NPHP4: variants seen among roughly 807,000 people sequenced by gnomAD.
The protein encoded by NPHP4 is nephrocystin 4, also known as nephrocystin-4.
In NPHP4, 151 loss-of-function variants were observed where a neutral mutation model predicts 155.8. The observed-to-expected ratio is 0.97, with a 90% confidence interval of 0.85 to 1.11. The LOEUF is 1.11. Ranked by LOEUF, NPHP4 falls within the 50% of genes least tolerant of loss-of-function variation. NPHP4 has a pLI of 0.00. For missense variants in NPHP4, 1,956 were observed against 1,925.7 expected, an observed-to-expected ratio of 1.02 and a Z score of -0.29; for synonymous variants, 845 against 816.8, an observed-to-expected ratio of 1.03 and a Z score of -0.59.
intron 5 of NPHP4, among the ~76,000 whole-genome samples, chr1:5,964,941 A>ATTTTTTTTTTTTTTTTTT (rs55734317): frequency 8.4e-5 from 5 of 59,416 alleles, no homozygotes; most frequent in African/African-American, 2.5e-4. Flanking sequence ...ATATATATAT[A>ATTTTTTTTTTTTTTTTTT]TTTTTTTTTT....
intron 16 of NPHP4, among the ~76,000 whole-genome samples, chr1:5,900,202 A>C (rs1248026734): frequency 6.6e-6 from 1 of 152,192 alleles, no homozygotes; most frequent in Non-Finnish European, 1.5e-5. Context: ...CAGCAATCAC[A>C]CTCCTTGGTA....
At chr1:5,957,260 C>T (rs1649421464) in intron 6 of NPHP4, among the ~76,000 whole-genome samples, 1 of 152,192 alleles carries the variant, frequency 6.6e-6, no homozygotes, top group South Asian at 2.1e-4. Context: ...CTGGGACCCC[C>T]ATAAGCACAC....
At chr1:5,898,982 T>C (rs1042239875) in intron 16 of NPHP4, among the ~76,000 whole-genome samples, 5 of 152,110 alleles carry the variant, frequency 3.3e-5, no homozygotes, top group African/African-American at 1.2e-4. Flanking sequence ...AACCACGAGA[T>C]GCCTCTACAT....
intron 19 of NPHP4, chr1:5,879,666 C>T (rs372575002): frequency 2.1e-4 from 108 of 510,692 alleles, no homozygotes; most frequent in Non-Finnish European, 1.4e-4. Context: ...TGTGGTGGCT[C>T]GGTGGGGCCT....
At chr1:5,943,189 C>T (rs1039983064) in intron 9 of NPHP4, among the ~76,000 whole-genome samples, 4 of 152,184 alleles carry the variant, frequency 2.6e-5, no homozygotes, top group African/African-American at 9.7e-5. Flanking sequence ...ACATAAATTA[C>T]AGGAAAAAGG....
At chr1:5,879,873 GCA>G (rs920001291) in intron 19 of NPHP4, among the ~76,000 whole-genome samples, 15 of 144,732 alleles carry the variant, frequency 1.0e-4, no homozygotes, top group African/African-American at 3.1e-4. Context: ...ACACACACAT[GCA>G]CACACAGACA....
chr1:5,915,022 AAC>A (rs961010683), intron 11 of NPHP4, among the ~76,000 whole-genome samples: 11 of 152,234 alleles, frequency 7.2e-5, no homozygotes, highest in African/African-American at 2.7e-4. Context: ...GAGGGGTCCT[AAC>A]AGAGGAAAAT....
chr1:5,866,961 G>A (rs1202881886), intron 25 of NPHP4, 69 bp downstream of exon 25: 2 of 1,195,488 alleles, frequency 1.7e-6, no homozygotes, highest in East Asian at 2.4e-5. Flanking sequence ...GGATACCCGT[G>A]GGGAAGCCGA....
chr1:5,888,540 C>A (rs372858444), intron 17 of NPHP4: 1 of 1,346,762 alleles, frequency 7.4e-7, no homozygotes, highest in Non-Finnish European at 9.8e-7. Flanking sequence ...ACACTGCATA[C>A]GATCACTGCA....
At position 5,892,353 on chromosome 1, in the gene NPHP4, G is replaced by GC. The variant is rs1644175533; in HGVS notation, c.2144-1326dup. Reference sequence around the variant, plus strand: ...ATGGCCCCGTGCCTAGCATGCTCCTGCCCCCCACTCCAGGAGCTCTCAGCA... The same window carrying GC: ...ATGGCCCCGTGCCTAGCATGCTCCTGCCCCCCCACTCCAGGAGCTCTCAGCA... On this transcript the variant is annotated intron_variant, in intron 16 of 29. Coordinates refer to ENST00000378156, the MANE Select transcript of NPHP4 (RefSeq NM_015102.5). This position sits in a 1 kb window ranked among gnomAD's most constrained non-coding sequence, Gnocchi z 4.5. Among the ~76,000 whole-genome samples the GC allele has an allele frequency of 6.6e-6, 1 of 152,060 alleles. No homozygotes were observed. Among genetic ancestry groups the GC allele is most frequent in the Non-Finnish European group, 1.5e-5 (1 of 68,000 alleles).
intron 7 of NPHP4, among the ~76,000 whole-genome samples, chr1:5,951,802 C>G (rs1443748990): frequency 6.6e-6 from 1 of 152,246 alleles, no homozygotes; most frequent in African/African-American, 2.4e-5. Flanking sequence ...CACAGAAAAT[C>G]CAAGACAACT....
At chr1:5,975,132 C>T (rs773652335) in intron 3 of NPHP4, among the ~76,000 whole-genome samples, 6 of 152,158 alleles carry the variant, frequency 3.9e-5, no homozygotes, top group Admixed American at 6.5e-5. Context: ...CTAAGAATGC[C>T]CACTCCTGGG....
chr1:5,940,210 TG>T (rs1646751454), intron 9 of NPHP4, among the ~76,000 whole-genome samples: 1 of 152,020 alleles, frequency 6.6e-6, no homozygotes, highest in South Asian at 2.1e-4. Flanking sequence ...GTGGAGTGAA[TG>T]GATGAATGCC....
At chr1:5,972,814 A>T (rs1652819743) in intron 3 of NPHP4, among the ~76,000 whole-genome samples, 1 of 151,808 alleles carries the variant, frequency 6.6e-6, no homozygotes, top group African/African-American at 2.4e-5. Context: ...TTTAGTGGTG[A>T]TCTGTGAGAT....
rs571655 is a variant in NPHP4 at position 5,905,395 on chromosome 1, C to T, written c.1852G>A (p.Glu618Lys). ...ACAGGTTCTGTAGCGCTGACAGCCT[C>T]GGCTGGCTGTTTATTGGCATCCAGA... ...EILDANKQPA[E>K]AVSATEPVTF... Residue 618 changes from glutamate (E) to lysine (K), a missense_variant, in exon 15 of 30, where the codon GAG (glutamate) becomes AAG (lysine). Physicochemically the swap from Glu to Lys is moderately conservative, Grantham distance 56. Transcript: ENST00000378156. The surrounding 1 kb of genome is among the most constrained non-coding windows in gnomAD (Gnocchi z 4.0). 19,058 of 1,613,372 alleles carry T rather than the reference C, an allele frequency of 0.012. 159 individuals are homozygous for T. Among genetic ancestry groups the T allele is most frequent in the Middle Eastern group, 0.034 (207 of 6,060 alleles).
At chr1:5,879,778 CACACACACACACACACGCAA>C in intron 19 of NPHP4, 1 of 385,178 alleles carries the variant, frequency 2.6e-6, no homozygotes, top group South Asian at 2.3e-5. Flanking sequence ...GAATGGTGCG[CACACACACACACACACGCAA>C]ACACACACAC....
chr1:5,990,444 G>A (rs1406516739), intron 1 of NPHP4, among the ~76,000 whole-genome samples: 2 of 151,008 alleles, frequency 1.3e-5, no homozygotes, highest in African/African-American at 2.4e-5. Context: ...GGGCTCTCCA[G>A]GGGAAAAAAA....
intron 3 of NPHP4, among the ~76,000 whole-genome samples, chr1:5,972,188 A>G (rs1028622556): frequency 4.6e-5 from 7 of 152,270 alleles, no homozygotes; most frequent in African/African-American, 1.7e-4. Context: ...GAGCAGGAAC[A>G]GAATGAGTCC....
At chr1:5,869,142 G>T (rs193025700) in intron 23 of NPHP4, among the ~76,000 whole-genome samples, 1 of 101,296 alleles carries the variant, frequency 9.9e-6, no homozygotes, top group Non-Finnish European at 2.0e-5. Flanking sequence ...ACACATATCC[G>T]CCCACACATG....
Sources: gnomAD v4.1 joint callset for allele counts (sites outside exome capture counted in the v4.1 genomes callset) on GRCh38, gnomAD v4.1.1 for gene constraint, Gnocchi (gnomAD v3.1) non-coding constraint, MANE v1.5 for transcripts, NCBI Gene and HGNC (gene_info 2026-07-23, HGNC 2026-07-21) for gene names.